CPAP: variants seen among roughly 807,000 people sequenced by gnomAD.
The protein encoded by CPAP is centrosomal P4.1-associated protein.
At chr13:24,887,819 C>T in the CPAP span, among the ~76,000 whole-genome samples, 1 of 152,136 alleles carries the variant, frequency 6.6e-6, no homozygotes, top group Non-Finnish European at 1.5e-5. Context: ...AGGTATACTA[C>T]CAAAGTGAGC....
At chr13:24,905,533 G>T in the CPAP span, 2 of 1,614,070 alleles carry the variant, frequency 1.2e-6, no homozygotes, top group South Asian at 1.1e-5. Flanking sequence ...TTATTGTTTT[G>T]TCCAGGATAC....
the CPAP span, among the ~76,000 whole-genome samples, chr13:24,897,166 TGGGAGACGGAGG>T: frequency 6.6e-6 from 1 of 152,150 alleles, no homozygotes; most frequent in Non-Finnish European, 1.5e-5. Flanking sequence ...CGCTTGAATC[TGGGAGACGGAGG>T]TTGCAGTGAG....
chr13:24,886,968 G>A, the CPAP span, among the ~76,000 whole-genome samples: 1 of 152,238 alleles, frequency 6.6e-6, no homozygotes, highest in Middle Eastern at 3.4e-3. Context: ...GGCATAGACA[G>A]GCTCCAGGTG....
the CPAP span, among the ~76,000 whole-genome samples, chr13:24,916,628 C>T: frequency 6.6e-6 from 1 of 152,178 alleles, no homozygotes; most frequent in African/African-American, 2.4e-5. Flanking sequence ...TTGTGAAGTA[C>T]TTACTGAGCA....
the CPAP span, among the ~76,000 whole-genome samples, chr13:24,907,405 T>C: frequency 6.6e-6 from 1 of 152,188 alleles, no homozygotes; most frequent in Non-Finnish European, 1.5e-5. Flanking sequence ...TTTGGAGTCC[T>C]AAGAACCCTT....
At chr13:24,905,818 A>G in the CPAP span, 8 of 1,614,050 alleles carry the variant, frequency 5.0e-6, no homozygotes, top group Admixed American at 1.7e-5. Context: ...TGTCCTTAAA[A>G]GGCCCCTTAT....
the CPAP span, among the ~76,000 whole-genome samples, chr13:24,901,722 T>C: frequency 2.0e-5 from 3 of 152,220 alleles, no homozygotes; most frequent in African/African-American, 7.2e-5. Context: ...CTGGACATCG[T>C]AGCTCATGCC....
the CPAP span, chr13:24,892,608 CT>C: frequency 2.0e-6 from 3 of 1,532,012 alleles, no homozygotes; most frequent in African/African-American, 4.1e-5. Context: ...GAAGCTCCCC[CT>C]GGCCTGACAC....
chr13:24,905,291 G>T, the CPAP span: 1 of 1,504,112 alleles, frequency 6.6e-7, no homozygotes, highest in Non-Finnish European at 9.3e-7. Flanking sequence ...ACAGCATACT[G>T]ATTAATGTTA....
the CPAP span, chr13:24,907,239 G>A: frequency 2.7e-6 from 4 of 1,463,098 alleles, no homozygotes; most frequent in East Asian, 6.8e-5. Flanking sequence ...CATAATGTGT[G>A]AATATTTTAC....
chr13:24,903,070 G>A, the CPAP span, among the ~76,000 whole-genome samples: 5 of 152,082 alleles, frequency 3.3e-5, no homozygotes, highest in Admixed American at 6.5e-5. Context: ...ATATGTCTAC[G>A]TAAAATTTAT....
chr13:24,885,635 G>A, the CPAP span: 25 of 1,612,698 alleles, frequency 1.6e-5, no homozygotes, highest in Non-Finnish European at 2.0e-5. Context: ...CCTAAATCAC[G>A]AGGAGGTGCA....
chr13:24,883,646 G>C, the CPAP span, among the ~76,000 whole-genome samples: 1 of 152,112 alleles, frequency 6.6e-6, no homozygotes, highest in African/African-American at 2.4e-5. Context: ...TATATTAAAA[G>C]GGACCCTTCT....
chr13:24,900,150 ATGAAGGAAACC>A, the CPAP span, among the ~76,000 whole-genome samples: 6 of 152,208 alleles, frequency 3.9e-5, no homozygotes, highest in East Asian at 5.8e-4. Context: ...CTGAGATAAC[ATGAAGGAAACC>A]TGAAGAAAAT....
chr13:24,884,770 TTCC>T, the CPAP span, among the ~76,000 whole-genome samples: 1 of 152,196 alleles, frequency 6.6e-6, no homozygotes, highest in Non-Finnish European at 1.5e-5. Flanking sequence ...CCTTCTCTCA[TTCC>T]TCAAGGATAG....
the CPAP span, chr13:24,909,918 C>G: frequency 6.2e-7 from 1 of 1,614,018 alleles, no homozygotes; most frequent in African/African-American, 1.3e-5. Flanking sequence ...ATGAGCAGTT[C>G]TACAGAAGTT....
At chr13:24,927,345 T>C in the CPAP span, among the ~76,000 whole-genome samples, 1 of 152,112 alleles carries the variant, frequency 6.6e-6, no homozygotes, top group Non-Finnish European at 1.5e-5. Context: ...CATGAATTAA[T>C]TGAGGAACAA....
the CPAP span, chr13:24,899,340 A>AT: frequency 3.4e-6 from 4 of 1,167,262 alleles, no homozygotes; most frequent in Non-Finnish European, 5.1e-6. Context: ...TTGCTTTGAC[A>AT]TAAGAAATAA....
At chr13:24,905,288 A>T in the CPAP span, 1 of 1,490,386 alleles carries the variant, frequency 6.7e-7, no homozygotes, top group Non-Finnish European at 9.4e-7. Context: ...CTGACAGCAT[A>T]CTGATTAATG....
Sources: gnomAD v4.1 joint callset for allele counts (sites outside exome capture counted in the v4.1 genomes callset) on GRCh38, gnomAD v4.1.1 for gene constraint, MANE v1.5 for transcripts, NCBI Gene and HGNC (gene_info 2026-07-23, HGNC 2026-07-21) for gene names.